MAP2K5: variants seen among roughly 807,000 people sequenced by gnomAD.
The protein encoded by MAP2K5 is mitogen-activated protein kinase kinase 5.
Under a neutral mutation model 83.1 loss-of-function variants are expected in MAP2K5, and 49 were observed. That is an observed-to-expected ratio of 0.59 (90% CI 0.47 to 0.75). The LOEUF (loss-of-function observed/expected upper bound fraction) is 0.75, where lower values mean the gene tolerates loss of function less well. Ranked by LOEUF, MAP2K5 falls within the 30% of genes least tolerant of loss-of-function variation. The probability of loss-of-function intolerance (pLI) is 0.00; values close to 1 mark genes in which losing one functional copy is unlikely to be tolerated. For synonymous variants in MAP2K5, 202 were observed against 191.8 expected, an observed-to-expected ratio of 1.05 and a Z score of -0.44; for missense variants, 457 against 557.5, an observed-to-expected ratio of 0.82 and a Z score of 1.82.
intron 8 of MAP2K5, among the ~76,000 whole-genome samples, chr15:67,601,025 AT>A (rs948362545): frequency 3.3e-5 from 5 of 151,852 alleles, no homozygotes; most frequent in Admixed American, 1.3e-4. Context: ...AGTTTAATGC[AT>A]TTTTTTCCTT....
At chr15:67,797,178 T>C (rs1289508267) in intron 21 of MAP2K5, among the ~76,000 whole-genome samples, 5 of 152,356 alleles carry the variant, frequency 3.3e-5, no homozygotes, top group African/African-American at 1.2e-4. Flanking sequence ...TTACATGTTA[T>C]CACAGTCCAG....
At position 67,638,227 on chromosome 15, in the gene MAP2K5, TC is replaced by T. The variant is rs2086645387; in HGVS notation, c.585+7302del. 6.6e-6 allele frequency among the ~76,000 whole-genome samples: 1 copy of T among 152,140 alleles called. No homozygotes were observed. ...TCCTGATCATCTCCCCACTTCACCC[TC>T]CACCTTCTGATAGGCCACAGTGTGT... On this transcript the variant is annotated intron_variant, in intron 9 of 21. Transcript: ENST00000178640. This position sits in a 1 kb window ranked among gnomAD's most constrained non-coding sequence, Gnocchi z 4.5.
chr15:67,592,952 A>G lies in MAP2K5; in HGVS notation c.458A>G (p.Lys153Arg), dbSNP rs2085447301. The change falls in exon 7 of 22, where the codon AAA becomes AGA. Residue 153 changes from lysine to arginine, a missense_variant. By Grantham distance (26) the Lys-to-Arg change is conservative (BLOSUM62 2). Around this residue, in one of 3 missense-constraint regions of MAP2K5, gnomAD observed 234 missense variants for 243.6 expected, o/e 0.96. Coordinates refer to ENST00000178640, the MANE Select transcript of MAP2K5 (RefSeq NM_145160.3). Reference sequence around the variant, plus strand: ...TTAAAGAAGTCTTCTGCTGAACTGAAAAAAATACTAGCCAATGGCCAGGTA... The same window carrying G: ...TTAAAGAAGTCTTCTGCTGAACTGAGAAAAATACTAGCCAATGGCCAGGTA... ...NSLKKSSAEL[K>R]KILANGQMNE... 1.2e-6 allele frequency: 2 copies of G among 1,608,402 alleles called. No individual in the cohort carries two copies. Among genetic ancestry groups the G allele is most frequent in the Non-Finnish European group, 1.7e-6 (2 of 1,176,504 alleles).
At position 67,665,940 on chromosome 15, in the gene MAP2K5, C is replaced by T. The variant is rs2087366741; in HGVS notation, c.847+1295C>T. On this transcript the variant is annotated intron_variant, in intron 13 of 21. Transcript: ENST00000178640. This position sits in a 1 kb window ranked among gnomAD's most constrained non-coding sequence, Gnocchi z 4.2. ...ACTTATATTGTTTCTATTCCCTGTACTCCTACCTCCGCACACCCAGCTACC... is the reference window on the plus strand; with the variant it reads ...ACTTATATTGTTTCTATTCCCTGTATTCCTACCTCCGCACACCCAGCTACC... Among the ~76,000 whole-genome samples the T allele has an allele frequency of 6.6e-6, 1 of 152,152 alleles. No homozygotes were observed. Among genetic ancestry groups the T allele is most frequent in the Non-Finnish European group, 1.5e-5 (1 of 68,022 alleles).
chr15:67,556,385 T>C (rs1017576355), intron 2 of MAP2K5, among the ~76,000 whole-genome samples: 1 of 152,168 alleles, frequency 6.6e-6, no homozygotes, highest in Admixed American at 6.5e-5. Context: ...GTCCAGGATA[T>C]TGAAGAAACA....
In MAP2K5 at chr15:67,748,250, C is replaced by T. The variant is rs770008548; in HGVS notation, c.1094C>T (p.Ser365Phe). 1 of 1,607,846 alleles carries T rather than the reference C, an allele frequency of 6.2e-7. No homozygotes were observed. The highest frequency in any genetic ancestry group is 1.1e-5 in the South Asian group (1 of 90,462). ...PYPQIQKNQG[S>F]LMPLQLLQCI... ...TTTCAGATTCAGAAAAACCAGGGAT[C>T]TTTAATGGTAAGCTTTATGAGTTCA... The change falls in exon 18 of 22, where the codon TCT becomes TTT. Residue 365 changes from serine to phenylalanine, a missense_variant. By Grantham distance (155) the Ser-to-Phe change is radical (BLOSUM62 -2). Around this residue, in one of 3 missense-constraint regions of MAP2K5, gnomAD observed 168 missense variants for 263.0 expected, o/e 0.64. Transcript: ENST00000178640. This position sits in a 1 kb window ranked among gnomAD's most constrained non-coding sequence, Gnocchi z 4.0.
At position 67,750,806 on chromosome 15, in the gene MAP2K5, G is replaced by T. The variant is rs1378105405; in HGVS notation, c.1134+2205G>T. Among the ~76,000 whole-genome samples, 1 of 152,034 alleles carries T rather than the reference G, an allele frequency of 6.6e-6. No individual in the cohort carries two copies. The highest frequency in any genetic ancestry group is 1.5e-5 in the Non-Finnish European group (1 of 68,014). On this transcript the variant is annotated intron_variant, in intron 19 of 21. Transcript: ENST00000178640. This position sits in a 1 kb window ranked among gnomAD's most constrained non-coding sequence, Gnocchi z 4.2. Reference sequence around the variant, plus strand: ...TATTTGTGAATGAATATGCCCAGTTGGGATTTGAGCCGTTTTACTGCTTGG... The same window carrying T: ...TATTTGTGAATGAATATGCCCAGTTTGGATTTGAGCCGTTTTACTGCTTGG...
In MAP2K5 at chr15:67,793,239, G is replaced by A. The variant is rs2090548433; in HGVS notation, c.1243-13407G>A. Among the ~76,000 whole-genome samples the A allele has an allele frequency of 6.6e-6, 1 of 152,072 alleles. No homozygotes were observed. Among genetic ancestry groups the A allele is most frequent in the Non-Finnish European group, 1.5e-5 (1 of 68,020 alleles). ...TGCGGAATGATTGTGCTTGTGAATA[G>A]CCACTGTGCTCCAGTCAGGGCAACA... is the stretch of plus-strand genomic sequence containing the variant. On this transcript the variant is annotated intron_variant, in intron 21 of 21. Transcript: ENST00000178640. This position sits in a 1 kb window ranked among gnomAD's most constrained non-coding sequence, Gnocchi z 4.6.
intron 16 of MAP2K5, among the ~76,000 whole-genome samples, chr15:67,709,582 A>G (rs2088640540): frequency 1.3e-5 from 2 of 152,190 alleles, no homozygotes; most frequent in African/African-American, 4.8e-5. Flanking sequence ...GGTGGCTAAA[A>G]CATTTTAGAG....
rs142813743 is a variant in MAP2K5, at chr15:67,617,794, T to C, written c.546-13094T>C. ...GTAGCATCAACCTCCCAGGCTCAAGTGATCCTCTCACCTCACGTCCCAAGT... is the reference window on the plus strand; with the variant it reads ...GTAGCATCAACCTCCCAGGCTCAAGCGATCCTCTCACCTCACGTCCCAAGT... On this transcript the variant is annotated intron_variant, in intron 8 of 21. Transcript: ENST00000178640. Among the ~76,000 whole-genome samples, 587 of 152,254 alleles carry C rather than the reference T, an allele frequency of 3.9e-3. 2 individuals carry two copies. The highest frequency in any genetic ancestry group is 6.7e-3 in the Non-Finnish European group (458 of 68,002).
At chr15:67,606,644 G>A (rs1164522392) in intron 8 of MAP2K5, among the ~76,000 whole-genome samples, 4 of 152,074 alleles carry the variant, frequency 2.6e-5, no homozygotes, top group Non-Finnish European at 5.9e-5. Context: ...TGGCCTATTA[G>A]GTTGTGTTTT....
rs965889175 is a variant in MAP2K5, at chr15:67,542,802, C to G, written c.-534C>G. 6.5e-6 allele frequency: 1 copy of G among 153,744 alleles called. No homozygotes were observed. Among genetic ancestry groups the G allele is most frequent in the Non-Finnish European group, 1.5e-5 (1 of 68,838 alleles). The allele number at this position is 153,744 out of a possible 1,614,324, so 9.5% of individuals were successfully genotyped here. On this transcript the variant is annotated 5_prime_UTR_variant, in exon 1 of 22. Transcript: ENST00000178640. ...TGGCCGGAGCTCAGCCTGCGCGCGC[C>G]GCGCCCTGTGTCTCCGGGTGGGGCA... is the stretch of plus-strand genomic sequence containing the variant.
chr15:67,761,645 T>A (rs2089951074), intron 19 of MAP2K5, among the ~76,000 whole-genome samples: 3 of 152,206 alleles, frequency 2.0e-5, no homozygotes, highest in Non-Finnish European at 4.4e-5. Flanking sequence ...GTGTTATGGC[T>A]TGTTGGTTTT....
chr15:67,714,136 A>G (rs150130354), intron 16 of MAP2K5, among the ~76,000 whole-genome samples: 13 of 152,280 alleles, frequency 8.5e-5, no homozygotes, highest in Admixed American at 5.2e-4. Flanking sequence ...TGAGCCTACA[A>G]TGTATTAAGG....
chr15:67,771,733 T>C (rs2090146145), intron 20 of MAP2K5, among the ~76,000 whole-genome samples: 1 of 152,198 alleles, frequency 6.6e-6, no homozygotes, highest in South Asian at 2.1e-4. Flanking sequence ...CCGATTCTTG[T>C]TTACCAAATG....
chr15:67,744,984 C>T (rs1315673313), intron 17 of MAP2K5, among the ~76,000 whole-genome samples: 2 of 152,130 alleles, frequency 1.3e-5, no homozygotes, highest in African/African-American at 4.8e-5. Flanking sequence ...ACGTAACTAT[C>T]CCCTGTTAGT....
At chr15:67,570,153 A>C (rs2084923266) in intron 3 of MAP2K5, among the ~76,000 whole-genome samples, 1 of 152,210 alleles carries the variant, frequency 6.6e-6, no homozygotes, top group Non-Finnish European at 1.5e-5. Flanking sequence ...AGCCAATTTG[A>C]ATTTCATCTG....
chr15:67,748,172 A>G lies in MAP2K5; in HGVS notation c.1075-59A>G. ...CAATAATTTTCTCTCAGTGATCATA[A>G]TGTGTCCAAGTGAGTCATTTTGATT... On this transcript the variant is annotated intron_variant, in intron 17 of 21. Coordinates refer to ENST00000178640, the MANE Select transcript of MAP2K5 (RefSeq NM_145160.3). This position sits in a 1 kb window ranked among gnomAD's most constrained non-coding sequence, Gnocchi z 4.0. 8.0e-7 allele frequency: 1 copy of G among 1,245,382 alleles called. No individual in the cohort carries two copies. Among genetic ancestry groups the G allele is most frequent in the Non-Finnish European group, 1.2e-6 (1 of 855,570 alleles). 77.1% of individuals were successfully genotyped at this position (1,245,382 alleles called of 1,614,324 possible). A position where few individuals can be genotyped will look rare whatever the true frequency, so the allele number is the denominator to read the frequency against.
Position 67,698,798 on chromosome 15 carries a change from C to G in MAP2K5, c.973-4539C>G, listed in dbSNP as rs1017437785. On this transcript the variant is annotated intron_variant, in intron 15 of 21. Coordinates refer to ENST00000178640, the MANE Select transcript of MAP2K5 (RefSeq NM_145160.3). This position sits in a 1 kb window ranked among gnomAD's most constrained non-coding sequence, Gnocchi z 4.5. ...ACATTGCATGATCCAACTCAATTGG[C>G]TATGCTCATGCGATGGTAGTAATGG... 1.3e-5 allele frequency among the ~76,000 whole-genome samples: 2 copies of G among 152,166 alleles called. No individual in the cohort carries two copies. Among genetic ancestry groups the G allele is most frequent in the African/African-American group, 4.8e-5 (2 of 41,452 alleles).
Sources: allele counts gnomAD v4.1 joint callset (sites outside exome capture counted in the v4.1 genomes callset), GRCh38; gene constraint gnomAD v4.1.1; regional missense constraint gnomAD v4.1.1; non-coding constraint Gnocchi (gnomAD v3.1); transcripts MANE v1.5; gene names NCBI Gene and HGNC (gene_info 2026-07-23, HGNC 2026-07-21).